The following MYO18B variants were observed in gnomAD, a reference collection of about 807,000 sequenced individuals.
MYO18B encodes myosin XVIIIB, also known as unconventional myosin-XVIIIb.
In MYO18B, 204 loss-of-function variants were observed where a neutral mutation model predicts 273.0. The observed-to-expected ratio is 0.75, with a 90% CI of 0.67 to 0.84. The LOEUF (loss-of-function observed/expected upper bound fraction) is 0.84, where lower values mean the gene tolerates loss of function less well. Among genes scored for constraint, MYO18B ranks in the 40% least tolerant of loss-of-function variants. The pLI is 0.00. For synonymous variants in MYO18B, 1,330 were observed against 1,305.7 expected (o/e 1.02, Z -0.40); for missense variants, 3,212 against 3,287.6 (o/e 0.98, Z 0.56).
chr22:25,768,500 C>T lies in MYO18B; in HGVS notation c.584C>T (p.Thr195Ile), dbSNP rs1192258994. ...ACTGGAAAGGAAAAGAAAGGGGAGACCTCTAGGACTCCTTGTGGCTCCCAG... is the reference window on the plus strand; with the variant it reads ...ACTGGAAAGGAAAAGAAAGGGGAGATCTCTAGGACTCCTTGTGGCTCCCAG... ...TDTGKEKKGE[T>I]SRTPCGSQAS... is the part of the protein sequence containing the mutation. Residue 195 changes from threonine to isoleucine, a missense_variant, in exon 4 of 44, where the codon ACC becomes ATC. Physicochemically the swap from Thr to Ile is moderately conservative, Grantham distance 89. Transcript: ENST00000335473. 3.1e-6 allele frequency: 5 copies of T among 1,597,378 alleles called. No homozygotes were observed. The highest frequency in any genetic ancestry group is 1.3e-5 in the African/African-American group (1 of 74,170).
At chr22:25,785,859 T>G (rs2087363197) in intron 11 of MYO18B, among the ~76,000 whole-genome samples, 1 of 151,946 alleles carries the variant, frequency 6.6e-6, no homozygotes, top group South Asian at 2.1e-4. Flanking sequence ...CCTCATAGGG[T>G]TGTTGTGAGG....
At chr22:26,035,449 G>A (rs1936760433), downstream of MYO18B, among the ~76,000 whole-genome samples, 1 of 152,172 alleles carries the variant, frequency 6.6e-6, no homozygotes, top group Admixed American at 6.5e-5. Flanking sequence ...TGCAATTGGG[G>A]CTGGCAGTGG....
intron 12 of MYO18B, among the ~76,000 whole-genome samples, chr22:25,809,526 G>A (rs1308717022): frequency 2.6e-5 from 4 of 152,046 alleles, no homozygotes; most frequent in African/African-American, 9.7e-5. Context: ...CTTAATATAC[G>A]ACGCAGTCAG....
At chr22:25,833,535 C>T (rs4822661) in intron 16 of MYO18B, among the ~76,000 whole-genome samples, 41,179 of 152,118 alleles carry the variant, frequency 0.27, 6,661 homozygotes, top group Non-Finnish European at 0.35. Flanking sequence ...CCCAGATCTG[C>T]ACCTCTGCTC....
intron 42 of MYO18B, among the ~76,000 whole-genome samples, chr22:26,023,679 C>T (rs189106936): frequency 3.9e-5 from 6 of 152,266 alleles, no homozygotes; most frequent in East Asian, 1.9e-4. Context: ...AGGTGGCAGG[C>T]GGTGGATGAG....
At chr22:26,055,081 G>T in the MYO18B span, among the ~76,000 whole-genome samples, 4 of 152,158 alleles carry the variant, frequency 2.6e-5, no homozygotes, top group African/African-American at 9.7e-5. Flanking sequence ...CCTCCTGTGT[G>T]CCAGACACCA....
At chr22:25,829,058 G>T in intron 15 of MYO18B, 90 bp downstream of exon 15, 1 of 1,392,108 alleles carries the variant, frequency 7.2e-7, no homozygotes, top group Non-Finnish European at 9.8e-7. Context: ...TTCCCCAGGA[G>T]CCTGCAGCTT....
rs775339699 is a variant in MYO18B at position 25,955,252 on chromosome 22, C to A, written c.6044C>A (p.Ser2015Tyr). The change falls in exon 39 of 44, where the codon TCC becomes TAC. Residue 2015 changes from serine to tyrosine, a missense_variant. Coordinates refer to ENST00000335473, the MANE Select transcript of MYO18B (RefSeq NM_032608.7). ...EELSQAATSE[S>Y]QQRESSQYYQ... The stretch of plus-strand genomic sequence containing the variant: ...CTTTCACAGGCGGCCACCTCCGAGT[C>A]CCAGCAGCGGGAGAGCAGCCAGTAC... The A allele has an allele frequency of 6.2e-7, 1 of 1,613,616 alleles. No homozygotes were observed. Among genetic ancestry groups the A allele is most frequent in the Non-Finnish European group, 8.5e-7 (1 of 1,179,860 alleles).
chr22:25,912,884 T>G (rs960042943), intron 33 of MYO18B, among the ~76,000 whole-genome samples: 2 of 152,236 alleles, frequency 1.3e-5, no homozygotes, highest in Non-Finnish European at 2.9e-5. Context: ...GATTCTGCAC[T>G]TTACTTTGTC....
chr22:26,026,357 G>C, intron 42 of MYO18B, 88 bp from the exon 43 acceptor site: 1 of 1,408,984 alleles, frequency 7.1e-7, no homozygotes, highest in Middle Eastern at 1.9e-4. Context: ...AATAATATTA[G>C]TGCCTGTGCT....
intron 36 of MYO18B, among the ~76,000 whole-genome samples, chr22:25,948,067 G>T (rs1324687026): frequency 1.3e-5 from 2 of 152,092 alleles, no homozygotes; most frequent in Admixed American, 6.5e-5. Context: ...ACTTATTCAT[G>T]CATCTGTCTG....
intron 17 of MYO18B, among the ~76,000 whole-genome samples, chr22:25,842,672 C>CAAAAAAA (rs695584): frequency 1.5e-5 from 1 of 64,582 alleles, no homozygotes; most frequent in African/African-American, 4.9e-5. Flanking sequence ...AACTCCGTCT[C>CAAAAAAA]AAAAAAAAAA....
chr22:25,947,750 G>T lies in MYO18B; in HGVS notation c.5670G>T (p.Ala1890=), dbSNP rs374392610. 6.2e-7 allele frequency: 1 copy of T among 1,613,744 alleles called. No individual in the cohort carries two copies. Among genetic ancestry groups the T allele is most frequent in the Non-Finnish European group, 8.5e-7 (1 of 1,179,862 alleles). ...EQLYRLQFEK[A]DLLKRIDEDQ... ...TGTACAGGCTGCAGTTTGAGAAGGCGGACCTCCTGAAGCGCATCGATGAGG... is the reference window on the plus strand; with the variant it reads ...TGTACAGGCTGCAGTTTGAGAAGGCTGACCTCCTGAAGCGCATCGATGAGG... The change falls in exon 36 of 44, where the codon GCG becomes GCT. Residue 1890 remains alanine, a synonymous_variant. Coordinates refer to ENST00000335473, the MANE Select transcript of MYO18B (RefSeq NM_032608.7).
the MYO18B span, among the ~76,000 whole-genome samples, chr22:26,036,897 G>T: frequency 6.6e-6 from 1 of 152,196 alleles, no homozygotes; most frequent in Non-Finnish European, 1.5e-5. Context: ...TGAGGAGAGA[G>T]AACGTAACAA....
intron 39 of MYO18B, among the ~76,000 whole-genome samples, chr22:25,977,148 A>G (rs540962790): frequency 3.9e-5 from 6 of 152,204 alleles, no homozygotes; most frequent in East Asian, 3.9e-4. Context: ...ATGTCTTGCA[A>G]TGGATGTGGT....
chr22:25,745,505 A>ACACG lies in MYO18B; in HGVS notation c.-110+3215_-110+3216insGCAC, dbSNP rs60779771. On this transcript the variant is annotated intron_variant, in intron 1 of 43. Transcript: ENST00000335473. ...CACACACACACACACACACACACGC[A>ACACG]CACACATCTCATTCAGTCTGAAGGA... 2.3e-3 allele frequency among the ~76,000 whole-genome samples: 334 copies of ACACG among 147,678 alleles called. 1 individual carries two copies. The highest frequency in any genetic ancestry group is 8.2e-3 in the African/African-American group (326 of 39,528).
At chr22:25,855,812 C>T (rs2146074926) in intron 21 of MYO18B, among the ~76,000 whole-genome samples, 1 of 151,890 alleles carries the variant, frequency 6.6e-6, no homozygotes, top group Non-Finnish European at 1.5e-5. Context: ...CTCTTGAAGA[C>T]CCTACTTTCT....
At chr22:26,055,159 A>G in the MYO18B span, among the ~76,000 whole-genome samples, 1 of 152,300 alleles carries the variant, frequency 6.6e-6, no homozygotes, top group Non-Finnish European at 1.5e-5. Context: ...CATTGTATAG[A>G]GCCCGGTGTT....
intron 7 of MYO18B, among the ~76,000 whole-genome samples, chr22:25,772,753 C>T (rs148591877): frequency 8.5e-5 from 13 of 152,308 alleles, no homozygotes; most frequent in African/African-American, 2.4e-4. Context: ...ACAAGAGTAA[C>T]GAAAGAAAAT....
Sources: gnomAD v4.1 joint callset for allele counts (sites outside exome capture counted in the v4.1 genomes callset) on GRCh38, gnomAD v4.1.1 for gene constraint, MANE v1.5 for transcripts, NCBI Gene and HGNC (gene_info 2026-07-23, HGNC 2026-07-21) for gene names.